The following CAMTA1 variants were observed in gnomAD, a reference collection of about 807,000 sequenced individuals.
CAMTA1 encodes the protein calmodulin-binding transcription activator 1.
In CAMTA1, 27 loss-of-function variants were observed where a neutral mutation model predicts 170.9. The observed-to-expected ratio is 0.16, with a 90% CI of 0.12 to 0.22. CAMTA1 has a LOEUF of 0.22. Among genes scored for constraint, CAMTA1 ranks in the 10% least tolerant of loss-of-function variants. The pLI is 1.00. For synonymous variants in CAMTA1, 833 were observed against 891.5 expected, an observed-to-expected ratio of 0.93 and a Z score of 1.17; for missense variants, 1,619 against 2,217.2, an observed-to-expected ratio of 0.73 and a Z score of 5.42.
rs150150056 is a variant in CAMTA1, at chr1:7,120,574, G to A, written c.302+29203G>A. 2.0e-4 allele frequency among the ~76,000 whole-genome samples: 30 copies of A among 152,302 alleles called. No individual in the cohort carries two copies. The East Asian group carries it at 3.7e-3, about 19-fold the overall frequency. On this transcript the variant is annotated intron_variant, in intron 4 of 22. Coordinates refer to ENST00000303635, the MANE Select transcript of CAMTA1 (RefSeq NM_015215.4). ...GAAGTACTATCCCATTGCCTTTGCCGTTCTGTTGGTGAGAAGCAAAGCTCA... is the reference window on the plus strand; with the variant it reads ...GAAGTACTATCCCATTGCCTTTGCCATTCTGTTGGTGAGAAGCAAAGCTCA...
intron 11 of CAMTA1, among the ~76,000 whole-genome samples, chr1:7,684,986 C>T (rs1384846222): frequency 6.6e-6 from 1 of 152,116 alleles, no homozygotes; most frequent in Non-Finnish European, 1.5e-5. Context: ...GGTTAGGCTC[C>T]GGGGACTCCG....
At chr1:7,531,777 A>G (rs1468640817) in intron 6 of CAMTA1, among the ~76,000 whole-genome samples, 1 of 152,188 alleles carries the variant, frequency 6.6e-6, no homozygotes, top group Non-Finnish European at 1.5e-5. Flanking sequence ...CAGTCCTTCC[A>G]TGCCGTGCCT....
chr1:7,305,153 T>C (rs1389396296), intron 5 of CAMTA1, among the ~76,000 whole-genome samples: 1 of 152,130 alleles, frequency 6.6e-6, no homozygotes, highest in East Asian at 1.9e-4. Flanking sequence ...CTCTGTTATA[T>C]ACTAAATTCT....
intron 3 of CAMTA1, among the ~76,000 whole-genome samples, chr1:6,908,876 A>G (rs1679121094): frequency 6.6e-6 from 1 of 152,216 alleles, no homozygotes; most frequent in South Asian, 2.1e-4. Context: ...TAAGTGTGCA[A>G]TATTAATTTA....
chr1:7,573,650 C>A (rs2150348857), intron 6 of CAMTA1, among the ~76,000 whole-genome samples: 1 of 152,364 alleles, frequency 6.6e-6, no homozygotes, highest in East Asian at 1.9e-4. Flanking sequence ...AGCTATGTCA[C>A]TCTGATCTCG....
intron 11 of CAMTA1, among the ~76,000 whole-genome samples, chr1:7,715,432 CTT>C (rs34965685): frequency 2.8e-5 from 4 of 142,260 alleles, no homozygotes; most frequent in Admixed American, 7.0e-5. Context: ...TAGCCACACA[CTT>C]TTTTTTTTTT....
chr1:7,749,919 C>T, intron 19 of CAMTA1: 1 of 393,108 alleles, frequency 2.5e-6, no homozygotes, highest in South Asian at 1.8e-5. Flanking sequence ...CCTTGCCAGG[C>T]CACCTAAGCA....
At chr1:7,591,709 T>C (rs938282142) in intron 6 of CAMTA1, among the ~76,000 whole-genome samples, 1 of 152,140 alleles carries the variant, frequency 6.6e-6, no homozygotes, top group Admixed American at 6.5e-5. Context: ...ACTGTTTGGT[T>C]CCCACCTGCC....
intron 5 of CAMTA1, among the ~76,000 whole-genome samples, chr1:7,377,641 TCCA>T (rs1557616553): frequency 6.6e-6 from 1 of 152,210 alleles, no homozygotes; most frequent in Non-Finnish European, 1.5e-5. Flanking sequence ...ATGAACCAAA[TCCA>T]GTCCACCATC....
chr1:7,646,410 G>T (rs924225461), intron 7 of CAMTA1, among the ~76,000 whole-genome samples: 1 of 149,184 alleles, frequency 6.7e-6, no homozygotes, highest in African/African-American at 2.5e-5. Context: ...GGTGAGTTGG[G>T]TGGAGGCCCT....
At position 7,516,272 on chromosome 1, in the gene CAMTA1, T is replaced by G. The variant is rs536840819; in HGVS notation, c.510+48371T>G. On this transcript the variant is annotated intron_variant, in intron 6 of 22. Coordinates refer to ENST00000303635, the MANE Select transcript of CAMTA1 (RefSeq NM_015215.4). ...AGCTAATTATTCATTAGATGCTTAA[T>G]TAGTGTGGGATGATCATGACATTTT... 2.6e-5 allele frequency among the ~76,000 whole-genome samples: 4 copies of G among 152,382 alleles called. No homozygotes were observed. In the East Asian group the frequency reaches 7.7e-4, roughly 29 times the overall value.
rs149512373 is a variant in CAMTA1 at position 6,879,578 on chromosome 1, C to T, written c.234+54368C>T. ...ACATGTAACCTTTGAGTATACAACA[C>T]AGGTTTAGATTATAAAGGCTTCTTT... On this transcript the variant is annotated intron_variant, in intron 3 of 22. Coordinates refer to ENST00000303635, the MANE Select transcript of CAMTA1 (RefSeq NM_015215.4). 3.2e-4 allele frequency among the ~76,000 whole-genome samples: 48 copies of T among 151,612 alleles called. No individual in the cohort carries two copies. The East Asian group carries it at 7.7e-3, about 24-fold the overall frequency.
At position 7,608,402 on chromosome 1, in the gene CAMTA1, G is replaced by A. The variant is rs145956017; in HGVS notation, c.511-31998G>A. Among the ~76,000 whole-genome samples the A allele has an allele frequency of 7.9e-5, 12 of 152,280 alleles. No homozygotes were observed. The East Asian group carries it at 2.1e-3, about 27-fold the overall frequency. The stretch of plus-strand genomic sequence containing the variant: ...GTTCCTGGGGAATGCTCAGGGCCAG[G>A]GAACCCTCCTCTGGAGCAGGCACAT... On this transcript the variant is annotated intron_variant, in intron 6 of 22. Transcript: ENST00000303635.
Position 6,970,261 on chromosome 1 carries a change from C to T in CAMTA1, c.235-121043C>T, listed in dbSNP as rs1355891754. On this transcript the variant is annotated intron_variant, in intron 3 of 22. Transcript: ENST00000303635. This position sits in a 1 kb window ranked among gnomAD's most constrained non-coding sequence, Gnocchi z 4.4. Reference sequence around the variant, plus strand: ...GCGCATCTCTGTGCCTTTTTTGGTCCACATGCATATATTTAGTGTATCTGT... The same window carrying T: ...GCGCATCTCTGTGCCTTTTTTGGTCTACATGCATATATTTAGTGTATCTGT... 6.6e-6 allele frequency among the ~76,000 whole-genome samples: 1 copy of T among 152,188 alleles called. No individual in the cohort carries two copies. The highest frequency in any genetic ancestry group is 1.5e-5 in the Non-Finnish European group (1 of 68,026).
chr1:7,145,113 C>T (rs1646106752), intron 4 of CAMTA1, among the ~76,000 whole-genome samples: 1 of 152,208 alleles, frequency 6.6e-6, no homozygotes, highest in Admixed American at 6.5e-5. Context: ...GAGGGGCAGA[C>T]TGAGTCCTCT....
intron 3 of CAMTA1, among the ~76,000 whole-genome samples, chr1:6,914,159 C>A (rs1419850274): frequency 7.0e-6 from 1 of 141,980 alleles, no homozygotes; most frequent in East Asian, 2.1e-4. Context: ...GGCTGGAGTG[C>A]AACGGCGTGA....
intron 5 of CAMTA1, among the ~76,000 whole-genome samples, chr1:7,261,936 C>T (rs2149359314): frequency 6.6e-6 from 1 of 152,232 alleles, no homozygotes; most frequent in East Asian, 1.9e-4. Flanking sequence ...ATTGGGAAAC[C>T]CCAAGACTCC....
intron 3 of CAMTA1, among the ~76,000 whole-genome samples, chr1:6,958,453 AG>A (rs1392339868): frequency 2.0e-5 from 3 of 152,164 alleles, no homozygotes; most frequent in Non-Finnish European, 4.4e-5. Context: ...CCTCTCGGAC[AG>A]GTTCTCTGAT....
At chr1:7,711,277 T>A (rs2096568746) in intron 11 of CAMTA1, among the ~76,000 whole-genome samples, 1 of 152,172 alleles carries the variant, frequency 6.6e-6, no homozygotes, top group South Asian at 2.1e-4. Context: ...CAAGACCTAA[T>A]CACCTTCCAG....
Sources: allele counts gnomAD v4.1 joint callset (sites outside exome capture counted in the v4.1 genomes callset), GRCh38; gene constraint gnomAD v4.1.1; non-coding constraint Gnocchi (gnomAD v3.1); transcripts MANE v1.5; gene names NCBI Gene and HGNC (gene_info 2026-07-23, HGNC 2026-07-21).